Variants in CDKL4 observed in about 807,000 individuals in gnomAD.
The protein encoded by CDKL4 is cyclin dependent kinase like 4, also known as cyclin-dependent kinase-like 4.
Under a neutral mutation model 42.0 loss-of-function variants are expected in CDKL4, and 44 were observed. That is an observed-to-expected ratio of 1.05 (90% CI 0.82 to 1.35). CDKL4 has a LOEUF of 1.35. Ranked by LOEUF, CDKL4 falls within the 40% of genes most tolerant of loss-of-function variation. CDKL4 has a pLI of 0.00. For missense variants in CDKL4, 393 were observed against 369.9 expected (o/e 1.06, Z -0.51); for synonymous variants, 120 against 121.6 (o/e 0.99, Z 0.09).
At chr2:39,243,746 C>T (rs537302656) in intron 1 of CDKL4, among the ~76,000 whole-genome samples, 125 bp downstream of exon 1, 1 of 152,376 alleles carries the variant, frequency 6.6e-6, no homozygotes, top group Admixed American at 6.5e-5. Flanking sequence ...GGCGGTCCCG[C>T]TTTTCTTTCG....
intron 8 of CDKL4, among the ~76,000 whole-genome samples, chr2:39,179,874 T>C (rs1180600147): frequency 3.9e-5 from 6 of 152,084 alleles, no homozygotes; most frequent in Admixed American, 3.3e-4. Context: ...CAAGGAAAAA[T>C]TGACTATATA....
At chr2:39,201,555 T>C (rs965282190) in intron 5 of CDKL4, among the ~76,000 whole-genome samples, 1 of 151,630 alleles carries the variant, frequency 6.6e-6, no homozygotes, top group Admixed American at 6.6e-5. Context: ...ATTGAAAAAA[T>C]ATGGAACCAG....
rs762278089 is a variant in CDKL4, at chr2:39,190,373, A to C, written c.584T>G (p.Leu195Arg). 4 of 1,614,098 alleles carry C rather than the reference A, an allele frequency of 2.5e-6. No homozygotes were observed. In the African/African-American group the frequency reaches 5.3e-5, roughly 22 times the overall value. The change falls in exon 6 of 10, where the codon CTG (leucine) becomes CGG (arginine). Residue 195 changes from leucine to arginine, a missense_variant. Coordinates refer to ENST00000451199, the Ensembl canonical transcript of CDKL4. ...TCCAGGCCACAGTGGCTGGCCTGTC[A>C]GGAGCTCTGCAAAAACACAACCAAT...
intron 1 of CDKL4, among the ~76,000 whole-genome samples, chr2:39,231,651 C>A (rs1679097971): frequency 6.6e-6 from 1 of 152,144 alleles, no homozygotes; most frequent in Non-Finnish European, 1.5e-5. Flanking sequence ...GTATTTTTAC[C>A]TATGTATTAT....
chr2:39,175,905 C>A, exon 10 of CDKL4: 1 of 402,430 alleles, frequency 2.5e-6, no homozygotes, highest in South Asian at 2.0e-5. Flanking sequence ...TTTCATATGG[C>A]TCATTTGCAT....
intron 4 of CDKL4, among the ~76,000 whole-genome samples, chr2:39,209,803 G>C (rs2665157): frequency 6.6e-6 from 1 of 152,050 alleles, no homozygotes; most frequent in Non-Finnish European, 1.5e-5. Flanking sequence ...GACTATCATG[G>C]GAGTTCCTTT....
intron 1 of CDKL4, among the ~76,000 whole-genome samples, chr2:39,238,053 A>G (rs1309258779): frequency 6.6e-6 from 1 of 152,258 alleles, no homozygotes; most frequent in Non-Finnish European, 1.5e-5. Context: ...GAAAGAAATT[A>G]AAGATCTAAA....
Position 39,227,538 on chromosome 2 carries a change from A to C in CDKL4, c.169-1578T>G, listed in dbSNP as rs76970620. 1.6e-3 allele frequency among the ~76,000 whole-genome samples: 249 copies of C among 152,308 alleles called. 6 individuals carry two copies. The East Asian group carries it at 0.023, about 14-fold the overall frequency. Reference sequence around the variant, plus strand: ...AACCTAGGAGTTCGAGATCAGCCTAAGCAACATACTGAGACCCCATCTCTC... The same window carrying C: ...AACCTAGGAGTTCGAGATCAGCCTACGCAACATACTGAGACCCCATCTCTC... On this transcript the variant is annotated intron_variant, in intron 2 of 9. Coordinates refer to ENST00000451199, the Ensembl canonical transcript of CDKL4.
intron 3 of CDKL4, among the ~76,000 whole-genome samples, chr2:39,217,797 A>C (rs547758357): frequency 6.6e-6 from 1 of 151,970 alleles, no homozygotes; most frequent in Non-Finnish European, 1.5e-5. Context: ...GCAATGGCAT[A>C]ATCTCCGCTC....
the CDKL4 span, among the ~76,000 whole-genome samples, chr2:39,170,044 G>A: frequency 6.6e-6 from 1 of 151,900 alleles, no homozygotes; most frequent in Non-Finnish European, 1.5e-5. Context: ...TATTTTTTGT[G>A]GTAGAGACAG....
chr2:39,178,782 G>A, intron 9 of CDKL4: 1 of 1,581,880 alleles, frequency 6.3e-7, no homozygotes, highest in South Asian at 1.2e-5. Flanking sequence ...AGATGGAAGA[G>A]TCAAGTTACC....
chr2:39,187,643 G>C (rs1675904249), exon 7 of CDKL4: 2 of 1,610,528 alleles, frequency 1.2e-6, no homozygotes, highest in Non-Finnish European at 1.7e-6. Context: ...TTCTGGCTCA[G>C]GTATACTGAT....
chr2:39,231,887 T>C (rs1679108751), intron 1 of CDKL4, among the ~76,000 whole-genome samples: 1 of 152,218 alleles, frequency 6.6e-6, no homozygotes, highest in Non-Finnish European at 1.5e-5. Context: ...ACTGTATTAC[T>C]TCCTGGGTGA....
intron 6 of CDKL4, among the ~76,000 whole-genome samples, chr2:39,189,798 C>T (rs73930538): frequency 0.041 from 6,282 of 152,248 alleles, 210 homozygotes; most frequent in African/African-American, 0.086. Context: ...TGACATGCTG[C>T]GTATTGCTGC....
At chr2:39,223,256 G>A (rs536648132) in intron 3 of CDKL4, among the ~76,000 whole-genome samples, 5 of 152,126 alleles carry the variant, frequency 3.3e-5, no homozygotes, top group African/African-American at 1.2e-4. Context: ...ATGACGTATT[G>A]AACATTCATA....
intron 3 of CDKL4, among the ~76,000 whole-genome samples, chr2:39,219,687 C>G (rs1678184623): frequency 6.6e-6 from 1 of 152,104 alleles, no homozygotes. Context: ...TCCCAGAGTG[C>G]TGGGATTACA....
At chr2:39,234,377 TTTGA>T (rs773817548) in intron 1 of CDKL4, among the ~76,000 whole-genome samples, 5 of 151,888 alleles carry the variant, frequency 3.3e-5, no homozygotes, top group African/African-American at 1.2e-4. Flanking sequence ...CAAGTGAAAA[TTTGA>T]TTGGGGCATT....
At chr2:39,237,820 T>C (rs532865150) in intron 1 of CDKL4, among the ~76,000 whole-genome samples, 4 of 152,204 alleles carry the variant, frequency 2.6e-5, no homozygotes, top group Non-Finnish European at 5.9e-5. Flanking sequence ...GTAATGAATC[T>C]ATAAAAAGTC....
chr2:39,201,625 A>C (rs1356416718), intron 5 of CDKL4, among the ~76,000 whole-genome samples: 1 of 152,246 alleles, frequency 6.6e-6, no homozygotes, highest in Non-Finnish European at 1.5e-5. Context: ...ATACCGCAGA[A>C]TACTACTTAG....
Sources: allele counts gnomAD v4.1 joint callset (sites outside exome capture counted in the v4.1 genomes callset), GRCh38; gene constraint gnomAD v4.1.1; transcripts MANE v1.5; gene names NCBI Gene and HGNC (gene_info 2026-07-23, HGNC 2026-07-21).